The following ANK3 variants were observed in gnomAD, a reference collection of about 807,000 sequenced individuals.
ANK3 encodes ankyrin 3.
A neutral mutation model predicts 370.9 loss-of-function variants in ANK3; 57 were observed. The ratio of observed to expected loss-of-function variants is 0.15; its 90% CI spans 0.12 to 0.19. ANK3 has a LOEUF of 0.19. Among genes scored for constraint, ANK3 ranks in the 10% least tolerant of loss-of-function variants. The pLI is 1.00. For missense variants in ANK3, 4,439 were observed against 5,302.1 expected, an observed-to-expected ratio of 0.84 and a Z score of 5.06; for synonymous variants, 1,929 against 1,946.3, an observed-to-expected ratio of 0.99 and a Z score of 0.23.
intron 10 of ANK3, 34 bp from the exon 11 acceptor site, chr10:60,205,924 A>G (rs1218594344): frequency 1.5e-6 from 2 of 1,359,972 alleles, no homozygotes; most frequent in Non-Finnish European, 2.1e-6. Context: ...CTGCTTGACT[A>G]CATTCCATCA....
intron 1 of ANK3, among the ~76,000 whole-genome samples, chr10:60,623,363 T>C (rs1003660440): frequency 1.3e-5 from 2 of 152,174 alleles, no homozygotes; most frequent in African/African-American, 4.8e-5. Flanking sequence ...TTAAGCTTTT[T>C]TGACAGTGAG....
chr10:60,114,489 T>G (rs1040300755), intron 25 of ANK3, among the ~76,000 whole-genome samples, 158 bp from the exon 26 acceptor site: 3 of 152,242 alleles, frequency 2.0e-5, no homozygotes, highest in African/African-American at 7.2e-5. Flanking sequence ...CATTGAAATC[T>G]GAGTGTAATG....
intron 40 of ANK3, chr10:60,062,211 T>G (rs1159345660): frequency 6.6e-6 from 1 of 152,352 alleles, no homozygotes; most frequent in African/African-American, 2.4e-5. Flanking sequence ...GAGGTTGCAG[T>G]GAGCCGAGAT....
At chr10:60,395,618 T>TTCTCTCTCTC (rs71015791) in intron 2 of ANK3, among the ~76,000 whole-genome samples, 1 of 126,206 alleles carries the variant, frequency 7.9e-6, no homozygotes. Context: ...CTCTCTTTCG[T>TTCTCTCTCTC]TCTCTCTCTC....
chr10:60,233,266 T>C (rs2097275593), intron 8 of ANK3, among the ~76,000 whole-genome samples: 1 of 152,122 alleles, frequency 6.6e-6, no homozygotes, highest in Admixed American at 6.5e-5. Context: ...GAAAGGACAA[T>C]CAGTAAAGTT....
chr10:60,308,192 C>T (rs936750406), intron 1 of ANK3, among the ~76,000 whole-genome samples: 1 of 151,534 alleles, frequency 6.6e-6, no homozygotes, highest in Admixed American at 6.6e-5. Context: ...AGAACATATT[C>T]TACTTTCCTT....
chr10:60,540,685 T>C (rs2076826986), intron 2 of ANK3, among the ~76,000 whole-genome samples: 2 of 151,924 alleles, frequency 1.3e-5, no homozygotes. Context: ...CGGTTTAGAA[T>C]GTCTCTAAAA....
intron 1 of ANK3, among the ~76,000 whole-genome samples, chr10:60,376,579 A>G (rs1470162327): frequency 6.6e-6 from 1 of 152,256 alleles, no homozygotes; most frequent in East Asian, 1.9e-4. Flanking sequence ...CTGGACTCAT[A>G]TGCTTTGGAG....
At chr10:60,115,180 A>G (rs1054056591) in intron 25 of ANK3, among the ~76,000 whole-genome samples, 2 of 152,206 alleles carry the variant, frequency 1.3e-5, no homozygotes, top group African/African-American at 2.4e-5. Flanking sequence ...TAATGGGAAG[A>G]GATTTGAAGA....
chr10:60,391,593 A>G (rs2063102399), upstream of ANK3, among the ~76,000 whole-genome samples: 1 of 152,220 alleles, frequency 6.6e-6, no homozygotes. Flanking sequence ...AGCCAGCTAA[A>G]AAGCTGGCGT....
chr10:60,605,613 C>T (rs1482518859), intron 2 of ANK3, among the ~76,000 whole-genome samples: 1 of 152,096 alleles, frequency 6.6e-6, no homozygotes, highest in Admixed American at 6.6e-5. Context: ...ACAAAGCTTG[C>T]TTGCTTCTTA....
chr10:60,038,451 G>T (rs564431298), intron 43 of ANK3, among the ~76,000 whole-genome samples: 1 of 152,236 alleles, frequency 6.6e-6, no homozygotes, highest in Non-Finnish European at 1.5e-5. Flanking sequence ...CTTGTTAATG[G>T]GGTGGGTGGT....
chr10:60,186,920 C>T lies in ANK3; in HGVS notation c.1888-8G>A, dbSNP rs756832902. The T allele has an allele frequency of 1.2e-6, 2 of 1,613,826 alleles. No homozygotes were observed. The highest frequency in any genetic ancestry group is 3.3e-5 in the Admixed American group (2 of 59,998). On this transcript the variant is annotated splice_polypyrimidine_tract_variant and splice_region_variant and intron_variant, in intron 16 of 43. Coordinates refer to ENST00000280772, the MANE Select transcript of ANK3 (RefSeq NM_020987.5). ...CAGTGGCGTATAACCATTCTGTCAA[C>T]ACAAATCACTTGGTCACATGCCCAG...
intron 1 of ANK3, among the ~76,000 whole-genome samples, chr10:60,352,307 T>C (rs2057010302): frequency 6.6e-6 from 1 of 152,124 alleles, no homozygotes; most frequent in African/African-American, 2.4e-5. Flanking sequence ...CTCAAATAAA[T>C]AGCAAATTGA....
chr10:60,447,312 G>T (rs184762806), intron 2 of ANK3, among the ~76,000 whole-genome samples: 7 of 152,312 alleles, frequency 4.6e-5, no homozygotes. Context: ...TAGAGATAAA[G>T]TATCCAACTG....
intron 21 of ANK3, among the ~76,000 whole-genome samples, chr10:60,170,603 A>C (rs2095758139): frequency 6.6e-6 from 1 of 152,186 alleles, no homozygotes; most frequent in African/African-American, 2.4e-5. Flanking sequence ...GGCAAACTGG[A>C]CCTTTCCAAT....
At position 60,699,106 on chromosome 10, in the gene ANK3, A is replaced by G. The variant is rs112009042; in HGVS notation, c.57+34157T>C. On this transcript the variant is annotated intron_variant, in intron 1 of 43. Transcript: ENST00000373827. ...GGACGCAAAGACATAAGAATGATACAAGGGAATTTAGGAACTTGAGGGGAA... is the reference window on the plus strand; with the variant it reads ...GGACGCAAAGACATAAGAATGATACGAGGGAATTTAGGAACTTGAGGGGAA... Among the ~76,000 whole-genome samples the G allele has an allele frequency of 9.9e-4, 145 of 146,452 alleles. 1 individual carries two copies. Among genetic ancestry groups the G allele is most frequent in the Middle Eastern group, 6.8e-3 (2 of 292 alleles).
intron 1 of ANK3, among the ~76,000 whole-genome samples, chr10:60,641,026 C>A (rs960079142): frequency 6.7e-6 from 1 of 149,644 alleles, no homozygotes; most frequent in Non-Finnish European, 1.5e-5. Flanking sequence ...AACTCCCATT[C>A]ACAATTGCTT....
intron 8 of ANK3, among the ~76,000 whole-genome samples, chr10:60,216,984 T>A (rs927503523): frequency 1.9e-4 from 29 of 152,286 alleles, no homozygotes; most frequent in African/African-American, 6.5e-4. Flanking sequence ...ATCTTCCTGG[T>A]TAATCTTGTG....
Sources: gnomAD v4.1 joint callset for allele counts (sites outside exome capture counted in the v4.1 genomes callset) on GRCh38, gnomAD v4.1.1 for gene constraint, MANE v1.5 for transcripts, NCBI Gene and HGNC (gene_info 2026-07-23, HGNC 2026-07-21) for gene names.